The following PLCB1 variants were observed in gnomAD, a reference collection of about 807,000 sequenced individuals.
The protein encoded by PLCB1 is phospholipase C beta 1.
PLCB1 carries 46 observed loss-of-function variants against 161.8 expected under a neutral mutation model. The ratio of observed to expected loss-of-function variants is 0.28; its 90% CI spans 0.22 to 0.36. The LOEUF (loss-of-function observed/expected upper bound fraction) is 0.36, where lower values mean the gene tolerates loss of function less well. Ranked by LOEUF, PLCB1 falls within the 10% of genes least tolerant of loss-of-function variation. The pLI, the probability that PLCB1 is intolerant of heterozygous loss-of-function variation, is 1.00. For synonymous variants in PLCB1, 517 were observed against 503.7 expected (o/e 1.03, Z -0.35); for missense variants, 1,016 against 1,472.5 (o/e 0.69, Z 5.07).
intron 3 of PLCB1, among the ~76,000 whole-genome samples, chr20:8,460,424 A>G (rs1981525177): frequency 6.6e-6 from 1 of 152,180 alleles, no homozygotes; most frequent in Non-Finnish European, 1.5e-5. Context: ...GTAAATTATG[A>G]TGCCTATTCA....
intron 3 of PLCB1, among the ~76,000 whole-genome samples, chr20:8,529,669 T>C (rs1039696292): frequency 2.0e-5 from 3 of 152,068 alleles, no homozygotes; most frequent in African/African-American, 7.2e-5. Context: ...AGTCACAAAA[T>C]TCAGAAGGAG....
chr20:8,358,712 A>G (rs959732895), intron 2 of PLCB1, among the ~76,000 whole-genome samples: 2 of 152,106 alleles, frequency 1.3e-5, no homozygotes, highest in Non-Finnish European at 2.9e-5. Flanking sequence ...TATCCCAATA[A>G]CCTGTTTCAT....
At chr20:8,651,463 TC>T (rs1344813940) in intron 7 of PLCB1, 3 of 727,520 alleles carry the variant, frequency 4.1e-6, no homozygotes, top group East Asian at 2.6e-5. Flanking sequence ...GTGGAAAGGC[TC>T]CCCCAAAACA....
chr20:8,875,440 A>G (rs1987745006), intron 31 of PLCB1, among the ~76,000 whole-genome samples: 1 of 147,460 alleles, frequency 6.8e-6, no homozygotes, highest in Admixed American at 6.8e-5. Flanking sequence ...ATAAATATTA[A>G]TATATGTAAT....
At chr20:8,659,931 G>A (rs1027956429) in intron 9 of PLCB1, among the ~76,000 whole-genome samples, 1 of 149,436 alleles carries the variant, frequency 6.7e-6, no homozygotes, top group Non-Finnish European at 1.5e-5. Flanking sequence ...GGCAGAGGTT[G>A]CAGTGAGCCG....
chr20:8,136,588 T>A (rs886711930), intron 1 of PLCB1, among the ~76,000 whole-genome samples: 3 of 149,974 alleles, frequency 2.0e-5, no homozygotes, highest in Non-Finnish European at 3.0e-5. Context: ...ATCGCGCCAC[T>A]GCACTCCAGC....
intron 16 of PLCB1, 151 bp from the exon 17 acceptor site, chr20:8,727,158 G>GA (rs988493259): frequency 8.3e-4 from 445 of 537,542 alleles, no homozygotes; most frequent in Middle Eastern, 2.0e-3. Context: ...TAGTGCACTA[G>GA]AAAAAAAAAT....
chr20:8,362,134 C>T (rs1288797566), intron 2 of PLCB1, among the ~76,000 whole-genome samples: 1 of 151,976 alleles, frequency 6.6e-6, no homozygotes, highest in Non-Finnish European at 1.5e-5. Flanking sequence ...GTGGAGAATT[C>T]CTCTGTGAGA....
chr20:8,379,188 G>A (rs539547501), intron 3 of PLCB1, among the ~76,000 whole-genome samples: 3 of 151,922 alleles, frequency 2.0e-5, no homozygotes, highest in African/African-American at 4.8e-5. Context: ...ACTTATGAGT[G>A]AGAACATGCA....
chr20:8,313,333 T>C (rs1396926853), intron 2 of PLCB1, among the ~76,000 whole-genome samples: 1 of 152,122 alleles, frequency 6.6e-6, no homozygotes, highest in Non-Finnish European at 1.5e-5. Context: ...TTTGAGATGA[T>C]GGAGACAATG....
intron 3 of PLCB1, among the ~76,000 whole-genome samples, chr20:8,620,464 G>A (rs867108708): frequency 9.9e-5 from 15 of 152,106 alleles, no homozygotes; most frequent in Middle Eastern, 3.4e-3. Context: ...GTCTGGCTGG[G>A]CACGGTGGCT....
chr20:8,699,157 A>G (rs538680268), intron 11 of PLCB1, among the ~76,000 whole-genome samples: 2 of 152,236 alleles, frequency 1.3e-5, no homozygotes, highest in African/African-American at 4.8e-5. Context: ...CCAGAGGACA[A>G]CCTCTCGCAC....
At chr20:8,412,808 A>G (rs1487776601) in intron 3 of PLCB1, among the ~76,000 whole-genome samples, 1 of 152,126 alleles carries the variant, frequency 6.6e-6, no homozygotes, top group Non-Finnish European at 1.5e-5. Flanking sequence ...CTGCAGCTAT[A>G]TTGATATGTG....
rs138888135 is a variant in PLCB1 at position 8,310,931 on chromosome 20, A to G, written c.178-60451A>G. Among the ~76,000 whole-genome samples, 30 of 152,286 alleles carry G rather than the reference A, an allele frequency of 2.0e-4. No homozygotes were observed. In the East Asian group the frequency reaches 4.8e-3, roughly 25 times the overall value. On this transcript the variant is annotated intron_variant, in intron 2 of 31. Transcript: ENST00000338037. ...TTTTGTGGCTGCTGCATAGTATTCT[A>G]TGGTGTATATGCACCCCCACTGATG...
chr20:8,782,691 A>G (rs1983300174), intron 27 of PLCB1, among the ~76,000 whole-genome samples: 1 of 142,186 alleles, frequency 7.0e-6, no homozygotes, highest in Non-Finnish European at 1.6e-5. Context: ...GTAGATCATT[A>G]CTTAGTTCAG....
At chr20:8,611,903 GC>G (rs997567571) in intron 3 of PLCB1, among the ~76,000 whole-genome samples, 1 of 152,128 alleles carries the variant, frequency 6.6e-6, no homozygotes, top group Non-Finnish European at 1.5e-5. Flanking sequence ...CTGTGATGGT[GC>G]CACTGTACTC....
At chr20:8,725,234 T>A (rs1406131372) in intron 16 of PLCB1, among the ~76,000 whole-genome samples, 2 of 152,190 alleles carry the variant, frequency 1.3e-5, no homozygotes, top group Non-Finnish European at 2.9e-5. Flanking sequence ...TGTATATATT[T>A]AGAAGAAAAT....
intron 3 of PLCB1, among the ~76,000 whole-genome samples, chr20:8,504,927 G>A (rs2122827317): frequency 6.6e-6 from 1 of 152,302 alleles, no homozygotes; most frequent in East Asian, 1.9e-4. Flanking sequence ...AAGTTCAGTG[G>A]AACGACATTG....
intron 3 of PLCB1, among the ~76,000 whole-genome samples, chr20:8,436,766 G>T (rs546866877): frequency 6.6e-6 from 1 of 151,998 alleles, no homozygotes; most frequent in East Asian, 1.9e-4. Flanking sequence ...CCTAGCCACC[G>T]TAGCCATGGA....
Sources: gnomAD v4.1 joint callset for allele counts (sites outside exome capture counted in the v4.1 genomes callset) on GRCh38, gnomAD v4.1.1 for gene constraint, MANE v1.5 for transcripts, NCBI Gene and HGNC (gene_info 2026-07-23, HGNC 2026-07-21) for gene names.